LANCL3: variants seen among roughly 807,000 people sequenced by gnomAD.
LANCL3 encodes the protein lanC-like protein 3.
A neutral mutation model predicts 26.5 loss-of-function variants in LANCL3; 19 were observed. That is an observed-to-expected ratio of 0.72 (90% CI 0.50 to 1.05). The LOEUF (loss-of-function observed/expected upper bound fraction) is 1.05. Ranked by LOEUF, LANCL3 falls within the 50% of genes least tolerant of loss-of-function variation. The probability of loss-of-function intolerance (pLI) is 0.00; values close to 1 mark genes in which losing one functional copy is unlikely to be tolerated. For synonymous variants in LANCL3, 160 were observed against 166.6 expected, an observed-to-expected ratio of 0.96 and a Z score of 0.30; for missense variants, 318 against 362.7, an observed-to-expected ratio of 0.88 and a Z score of 1.00.
At chrX:37,660,577 CA>C (rs1280312469) in intron 3 of LANCL3, among the ~76,000 whole-genome samples, 4 of 110,702 alleles carry the variant, frequency 3.6e-5, no homozygotes, top group Non-Finnish European at 5.7e-5. Context: ...GTTAGATGGC[CA>C]GGGGAGAGAT....
intron 1 of LANCL3, among the ~76,000 whole-genome samples, chrX:37,643,113 A>G (rs1460823369): frequency 1.8e-5 from 2 of 112,156 alleles, no homozygotes; most frequent in Non-Finnish European, 3.8e-5. Flanking sequence ...CTTTGGGTAC[A>G]TCAGGAGACT....
chrX:37,634,308 G>A (rs782583581), intron 1 of LANCL3, among the ~76,000 whole-genome samples: 22 of 112,839 alleles, frequency 1.9e-4, no homozygotes, highest in African/African-American at 6.7e-4. Flanking sequence ...TAGGGTGGGA[G>A]TGACCCAATT....
chrX:37,595,304 A>G (rs1396605535), intron 1 of LANCL3, among the ~76,000 whole-genome samples: 1 of 112,278 alleles, frequency 8.9e-6, no homozygotes, highest in Non-Finnish European at 1.9e-5. Context: ...TATGAAACCA[A>G]ATAACCCCCT....
At chrX:37,629,222 GT>G (rs1556423667) in intron 1 of LANCL3, among the ~76,000 whole-genome samples, 1 of 108,935 alleles carries the variant, frequency 9.2e-6, no homozygotes, top group East Asian at 2.8e-4. Context: ...TTTTTCATGT[GT>G]TTTTTGGCTG....
chrX:37,635,042 G>T (rs567737350), intron 1 of LANCL3, among the ~76,000 whole-genome samples: 4 of 110,358 alleles, frequency 3.6e-5, no homozygotes, highest in African/African-American at 1.3e-4. Context: ...AAAAAAGAGC[G>T]ACATAAGACT....
intron 1 of LANCL3, among the ~76,000 whole-genome samples, chrX:37,586,398 G>A (rs1173233097): frequency 8.9e-5 from 10 of 111,930 alleles, no homozygotes; most frequent in Admixed American, 1.9e-4. Flanking sequence ...GTGTTTTCCA[G>A]CTTGGTTCCA....
chrX:37,572,135 C>T lies in LANCL3; in HGVS notation c.265C>T (p.Arg89Trp). 8.4e-7 allele frequency: 1 copy of T among 1,194,920 alleles called. No individual in the cohort carries two copies. Among genetic ancestry groups the T allele is most frequent in the Non-Finnish European group, 1.1e-6 (1 of 892,380 alleles). The change falls in exon 1 of 5, where the codon CGG (arginine) becomes TGG (tryptophan). Residue 89 changes from arginine (R) to tryptophan (W), a missense_variant. Transcript: ENST00000378619. ...GCAGAGCCCGCTTTTCGCCACGGCC[C>T]GGGAACGCTACCTGCGCTCGGCTAA... ...VSQSPLFATA[R>W]ERYLRSAKRL...
intron 1 of LANCL3, among the ~76,000 whole-genome samples, chrX:37,606,765 C>T (rs1556420582): frequency 8.9e-6 from 1 of 112,134 alleles, no homozygotes; most frequent in East Asian, 2.8e-4. Context: ...CTGAAACGAG[C>T]TCAGCTTCCA....
At chrX:37,665,516 A>T in intron 3 of LANCL3, among the ~76,000 whole-genome samples, 1 of 112,206 alleles carries the variant, frequency 8.9e-6, no homozygotes, top group Non-Finnish European at 1.9e-5. Flanking sequence ...TGCTAGTATT[A>T]TTGAGAGAAC....
intron 1 of LANCL3, among the ~76,000 whole-genome samples, chrX:37,629,070 T>A (rs1445491212): frequency 9.4e-6 from 1 of 106,515 alleles, no homozygotes; most frequent in Non-Finnish European, 1.9e-5. Context: ...ACCAACAGTG[T>A]AAAAGTGTTC....
intron 1 of LANCL3, among the ~76,000 whole-genome samples, chrX:37,576,923 T>C (rs1923765843): frequency 8.9e-6 from 1 of 111,850 alleles, no homozygotes; most frequent in Non-Finnish European, 1.9e-5. Flanking sequence ...TTCAAAGAAA[T>C]AGAAGGAGGC....
chrX:37,584,998 C>G (rs1158022275), intron 1 of LANCL3, among the ~76,000 whole-genome samples: 5 of 111,885 alleles, frequency 4.5e-5, no homozygotes, highest in Non-Finnish European at 9.4e-5. Flanking sequence ...TATGTTGTGT[C>G]TTTGTTCTCA....
intron 1 of LANCL3, among the ~76,000 whole-genome samples, chrX:37,575,982 G>T (rs5917345): frequency 8.9e-6 from 1 of 111,884 alleles, no homozygotes; most frequent in Non-Finnish European, 1.9e-5. Flanking sequence ...TTTTAAAATC[G>T]TCAAAATATG....
At chrX:37,646,633 G>T (rs782602415) in intron 1 of LANCL3, among the ~76,000 whole-genome samples, 2 of 111,991 alleles carry the variant, frequency 1.8e-5, no homozygotes, top group African/African-American at 6.5e-5. Context: ...ACTCTGTTCT[G>T]GTGCCCATAG....
At chrX:37,616,276 T>C (rs1556421682) in intron 1 of LANCL3, among the ~76,000 whole-genome samples, 1 of 112,407 alleles carries the variant, frequency 8.9e-6, no homozygotes, top group African/African-American at 3.2e-5. Flanking sequence ...AGAAAATTTA[T>C]TTACTTATTA....
intron 1 of LANCL3, among the ~76,000 whole-genome samples, chrX:37,587,903 A>G (rs1924152343): frequency 8.9e-6 from 1 of 112,513 alleles, no homozygotes; most frequent in African/African-American, 3.2e-5. Flanking sequence ...TGGGAGCTGT[A>G]GACTGGAGCT....
chrX:37,617,321 G>A (rs1161188984), intron 1 of LANCL3, among the ~76,000 whole-genome samples: 1 of 111,450 alleles, frequency 9.0e-6, no homozygotes, highest in Non-Finnish European at 1.9e-5. Context: ...CCTGGAGGTA[G>A]GCAGTCTCCA....
rs1556415684 is a variant in LANCL3, at chrX:37,572,185, C to T, written c.315C>T (p.Arg105=). ...SAKRLIDACA[R]AEEWGEPDAD... ...AGCGCCTCATCGACGCGTGCGCCCG[C>T]GCTGAGGAGTGGGGCGAACCGGACG... The change falls in exon 1 of 5, where the codon CGC becomes CGT. Residue 105 remains arginine (R), a synonymous_variant. Transcript: ENST00000378619. 5 of 1,179,735 alleles carry T rather than the reference C, an allele frequency of 4.2e-6. No individual in the cohort carries two copies. In the South Asian group the frequency reaches 5.6e-5, roughly 13 times the overall value.
At chrX:37,642,932 C>T (rs933494844) in intron 1 of LANCL3, among the ~76,000 whole-genome samples, 4 of 112,394 alleles carry the variant, frequency 3.6e-5, no homozygotes, top group East Asian at 2.7e-4. Flanking sequence ...AACTATTCAT[C>T]CCTATATTTC....
Sources: gnomAD v4.1 joint callset for allele counts (sites outside exome capture counted in the v4.1 genomes callset) on GRCh38, gnomAD v4.1.1 for gene constraint, MANE v1.5 for transcripts, NCBI Gene and HGNC (gene_info 2026-07-23, HGNC 2026-07-21) for gene names.